The following GPR39 variants were observed in gnomAD, a reference collection of about 807,000 sequenced individuals.
GPR39 encodes the protein zinc sensing receptor.
GPR39 carries 23 observed loss-of-function variants against 18.4 expected under a neutral mutation model. The observed-to-expected ratio is 1.25, with a 90% CI of 0.90 to 1.77. The LOEUF (loss-of-function observed/expected upper bound fraction) is 1.77, where lower values mean the gene tolerates loss of function less well. Among genes scored for constraint, GPR39 ranks in the 40% most tolerant of loss-of-function variants. GPR39 has a pLI of 0.00. For missense variants in GPR39, 647 were observed against 602.4 expected, an observed-to-expected ratio of 1.07 and a Z score of -0.78; for synonymous variants, 280 against 257.9, an observed-to-expected ratio of 1.09 and a Z score of -0.82.
intron 1 of GPR39, among the ~76,000 whole-genome samples, chr2:132,635,442 T>C (rs1681734751): frequency 6.6e-6 from 1 of 152,116 alleles, no homozygotes; most frequent in Non-Finnish European, 1.5e-5. Context: ...ACTTGTGAAG[T>C]CAAGGAAGGC....
chr2:132,485,323 A>T (rs1681311071), intron 1 of GPR39, among the ~76,000 whole-genome samples: 1 of 152,190 alleles, frequency 6.6e-6, no homozygotes, highest in African/African-American at 2.4e-5. Context: ...AATGTTGTTG[A>T]CTGCTGACCA....
At chr2:132,489,363 C>T (rs1442117940) in intron 1 of GPR39, among the ~76,000 whole-genome samples, 1 of 152,072 alleles carries the variant, frequency 6.6e-6, no homozygotes, top group African/African-American at 2.4e-5. Flanking sequence ...CGGTGGGGGC[C>T]GCTGGCGGCT....
At chr2:132,466,815 T>C (rs1680935229) in intron 1 of GPR39, among the ~76,000 whole-genome samples, 3 of 152,162 alleles carry the variant, frequency 2.0e-5, no homozygotes, top group Admixed American at 1.3e-4. Flanking sequence ...GTGGCATCTG[T>C]GCCCAGAGAG....
chr2:132,579,764 CTG>C (rs906891933), intron 1 of GPR39, among the ~76,000 whole-genome samples: 1 of 151,778 alleles, frequency 6.6e-6, no homozygotes, highest in African/African-American at 2.4e-5. Context: ...CTTTTGGAGT[CTG>C]TTGACAAATT....
At chr2:132,488,012 A>C (rs918227804) in intron 1 of GPR39, among the ~76,000 whole-genome samples, 4 of 152,330 alleles carry the variant, frequency 2.6e-5, no homozygotes, top group Middle Eastern at 3.4e-3. Flanking sequence ...TAAAATAGTA[A>C]AAGAAAAACA....
intron 1 of GPR39, among the ~76,000 whole-genome samples, chr2:132,473,908 G>A (rs940285542): frequency 1.3e-5 from 2 of 152,138 alleles, no homozygotes; most frequent in Admixed American, 6.5e-5. Context: ...TTACCATAAC[G>A]GCTCTTCCTC....
intron 1 of GPR39, among the ~76,000 whole-genome samples, chr2:132,602,844 T>G (rs1354869557): frequency 6.7e-6 from 1 of 148,232 alleles, no homozygotes; most frequent in African/African-American, 2.5e-5. Context: ...ATCAGAGACC[T>G]TTTTAGCCTA....
At chr2:132,473,139 G>A (rs902893565) in intron 1 of GPR39, among the ~76,000 whole-genome samples, 1 of 152,156 alleles carries the variant, frequency 6.6e-6, no homozygotes, top group African/African-American at 2.4e-5. Flanking sequence ...GGTAAACACT[G>A]CCTTAAAATT....
intron 1 of GPR39, among the ~76,000 whole-genome samples, chr2:132,439,888 G>A (rs1449522152): frequency 6.6e-6 from 1 of 152,136 alleles, no homozygotes; most frequent in Non-Finnish European, 1.5e-5. Context: ...TGCTTGTGCT[G>A]TCTCCAGTTT....
chr2:132,475,468 C>T (rs149290236), intron 1 of GPR39, among the ~76,000 whole-genome samples: 93 of 152,026 alleles, frequency 6.1e-4, no homozygotes, highest in African/African-American at 2.0e-3. Flanking sequence ...CGTGATCTTT[C>T]GACAAGTTGA....
At chr2:132,494,932 C>G (rs1364631241) in intron 1 of GPR39, among the ~76,000 whole-genome samples, 2 of 151,876 alleles carry the variant, frequency 1.3e-5, no homozygotes, top group African/African-American at 4.8e-5. Context: ...GGTTTTGAGA[C>G]AAAAGAAATG....
At chr2:132,622,348 C>A (rs748786653) in intron 1 of GPR39, among the ~76,000 whole-genome samples, 2 of 152,100 alleles carry the variant, frequency 1.3e-5, no homozygotes, top group African/African-American at 4.8e-5. Context: ...GAGCTGAGAT[C>A]GCACCATTGC....
intron 1 of GPR39, among the ~76,000 whole-genome samples, chr2:132,471,035 A>T (rs561829581): frequency 1.2e-4 from 18 of 152,270 alleles, no homozygotes; most frequent in African/African-American, 3.4e-4. Context: ...ACCCATGTGG[A>T]TATCTTGCCT....
At chr2:132,559,823 A>C (rs1409030093) in intron 1 of GPR39, among the ~76,000 whole-genome samples, 1 of 152,096 alleles carries the variant, frequency 6.6e-6, no homozygotes, top group Non-Finnish European at 1.5e-5. Context: ...GTTCTCATTC[A>C]AGAGTTCTGA....
chr2:132,535,597 C>T (rs1027952854), intron 1 of GPR39, among the ~76,000 whole-genome samples: 1 of 151,976 alleles, frequency 6.6e-6, no homozygotes, highest in South Asian at 2.1e-4. Flanking sequence ...GGGAGGAGTC[C>T]CTCCTTTTCA....
At chr2:132,520,967 G>C (rs10191510) in intron 1 of GPR39, among the ~76,000 whole-genome samples, 71,481 of 152,076 alleles carry the variant, frequency 0.47, 17,682 homozygotes, top group Non-Finnish European at 0.56. Flanking sequence ...AGAACACTGA[G>C]TTAAAAACAA....
chr2:132,594,290 C>T (rs181088563), intron 1 of GPR39, among the ~76,000 whole-genome samples: 186 of 152,206 alleles, frequency 1.2e-3, no homozygotes, highest in Middle Eastern at 3.4e-3. Context: ...TTGGACTTGA[C>T]GCTTTCCTGG....
intron 1 of GPR39, among the ~76,000 whole-genome samples, chr2:132,586,168 G>C (rs1055447817): frequency 6.6e-6 from 1 of 152,028 alleles, no homozygotes; most frequent in African/African-American, 2.4e-5. Flanking sequence ...AGACGGTAAA[G>C]TATCTGCGCT....
intron 1 of GPR39, among the ~76,000 whole-genome samples, chr2:132,578,308 A>G (rs1352921721): frequency 6.6e-6 from 1 of 152,112 alleles, no homozygotes; most frequent in Non-Finnish European, 1.5e-5. Context: ...AAAGAACTTT[A>G]TATACACAAT....
Sources: allele counts gnomAD v4.1 joint callset (sites outside exome capture counted in the v4.1 genomes callset), GRCh38; gene constraint gnomAD v4.1.1; transcripts MANE v1.5; gene names NCBI Gene and HGNC (gene_info 2026-07-23, HGNC 2026-07-21).